Variants in MED14 observed in about 807,000 individuals in gnomAD.
MED14 encodes the protein mediator complex subunit 14.
MED14 carries 8 observed loss-of-function variants against 109.0 expected under a neutral mutation model. That is an observed-to-expected ratio of 0.07 (90% CI 0.04 to 0.13). The LOEUF (loss-of-function observed/expected upper bound fraction) is 0.13. Ranked by LOEUF, MED14 falls within the 10% of genes least tolerant of loss-of-function variation. The pLI is 1.00. For synonymous variants in MED14, 399 were observed against 408.7 expected (o/e 0.98, Z 0.29); for missense variants, 711 against 1,142.4 (o/e 0.62, Z 5.44).
intron 15 of MED14, among the ~76,000 whole-genome samples, chrX:40,690,949 T>C (rs1408266274): frequency 8.9e-6 from 1 of 112,439 alleles, no homozygotes; most frequent in Admixed American, 9.4e-5. Context: ...GCCATCATCA[T>C]CAGCCCAACT....
intron 21 of MED14, among the ~76,000 whole-genome samples, chrX:40,679,026 A>G (rs1282407707): frequency 9.0e-6 from 1 of 111,340 alleles, no homozygotes; most frequent in Non-Finnish European, 1.9e-5. Context: ...GCAGGAGACT[A>G]TTTTTCAAAT....
chrX:40,683,666 A>G (rs1459436448), intron 16 of MED14, among the ~76,000 whole-genome samples: 1 of 111,844 alleles, frequency 8.9e-6, no homozygotes, highest in African/African-American at 3.3e-5. Flanking sequence ...GCCTGGCCCC[A>G]TGTATGTTAA....
rs1329703963 is a variant in MED14, at chrX:40,709,372, T to C, written c.1261A>G (p.Arg421Gly). ...CAGTTTTCATTGGCATTGAAGCCTC[T>C]AAGAATGGCCTTCAGTTCTTGGAGC... ...QKLQELKAIL[R>G]GFNANENSSI... The change falls in exon 10 of 31, where the codon AGA becomes GGA. Residue 421 changes from arginine (R) to glycine (G), a missense_variant. Around this residue, in one of 8 missense-constraint regions of MED14, gnomAD observed 388 missense variants for 517.3 expected, o/e 0.75. Transcript: ENST00000324817. The C allele has an allele frequency of 8.9e-7, 1 of 1,118,588 alleles. No homozygotes were observed. Among genetic ancestry groups the C allele is most frequent in the East Asian group, 3.2e-5 (1 of 31,712 alleles). 92.2% of individuals were successfully genotyped at this position (1,118,588 alleles called of 1,213,427 possible). A position where few individuals can be genotyped will look rare whatever the true frequency, so the allele number is the denominator to read the frequency against.
intron 21 of MED14, among the ~76,000 whole-genome samples, chrX:40,677,066 C>A (rs1021148171): frequency 1.8e-4 from 20 of 111,874 alleles, no homozygotes; most frequent in Admixed American, 1.3e-3. Context: ...TCTCACTGAG[C>A]TCGGTTATCT....
intron 1 of MED14, among the ~76,000 whole-genome samples, chrX:40,732,801 G>A (rs1282049647): frequency 1.8e-5 from 2 of 110,863 alleles, no homozygotes; most frequent in Non-Finnish European, 3.8e-5. Context: ...AGAAACATCA[G>A]GAAGGGTAAT....
intron 16 of MED14, among the ~76,000 whole-genome samples, chrX:40,686,281 G>C (rs759562582): frequency 9.0e-6 from 1 of 111,610 alleles, no homozygotes; most frequent in South Asian, 3.7e-4. Context: ...GAAGAAAGGA[G>C]ACTGAAATTT....
Position 40,650,961 on chromosome X carries a change from G to A in MED14, c.*845C>T. On this transcript the variant is annotated 3_prime_UTR_variant, in exon 31 of 31. Coordinates refer to ENST00000324817, the MANE Select transcript of MED14 (RefSeq NM_004229.4). ...AAGTTCCCACATCCTCAACAGATGA[G>A]AATGATTGCATTATTTGGGATCCTT... 2.7e-6 allele frequency: 2 copies of A among 752,985 alleles called. No individual in the cohort carries two copies. The highest frequency in any genetic ancestry group is 6.7e-5 in the South Asian group (1 of 14,845). 62.1% of individuals were successfully genotyped at this position (752,985 alleles called of 1,213,427 possible).
chrX:40,678,759 T>G (rs1396790053), intron 21 of MED14, among the ~76,000 whole-genome samples: 1 of 108,793 alleles, frequency 9.2e-6, no homozygotes, highest in Non-Finnish European at 1.9e-5. Flanking sequence ...TGAGCCATGA[T>G]CATGCCACTG....
At chrX:40,726,512 A>C in intron 3 of MED14, 1 of 274,476 alleles carries the variant, frequency 3.6e-6, no homozygotes, top group Non-Finnish European at 6.5e-6. Context: ...TTCCAGTCTC[A>C]TATTTAAAGT....
chrX:40,721,469 C>T lies in MED14; in HGVS notation c.348+5277G>A, dbSNP rs1288310856. Among the ~76,000 whole-genome samples the T allele has an allele frequency of 2.7e-5, 3 of 112,596 alleles. No individual in the cohort carries two copies. In the East Asian group the frequency reaches 8.4e-4, roughly 31 times the overall value. On this transcript the variant is annotated intron_variant, in intron 3 of 30. Coordinates refer to ENST00000324817, the MANE Select transcript of MED14 (RefSeq NM_004229.4). ...ATTGTGGTTTGAGTGCCAGCTTAGC[C>T]GCAGTAAGAAAAGAATATCAGGCAA...
Position 40,712,196 on chromosome X carries a change from G to A in MED14, c.879C>T (p.Tyr293=), listed in dbSNP as rs1222446143. 8.4e-7 allele frequency: 1 copy of A among 1,189,930 alleles called. No individual in the cohort carries two copies. The highest frequency in any genetic ancestry group is 1.1e-6 in the Non-Finnish European group (1 of 880,818). The change falls in exon 7 of 31, where the codon TAC becomes TAT. Residue 293 remains tyrosine, a synonymous_variant. Transcript: ENST00000324817. ...ATTTCAGAAGGATACGTAGGCAGTT[G>A]TACATATCCTGAAGAGGTTTCTCAT... ...FADEKPLQDM[Y]NCLHSFCLSL... is the part of the protein sequence containing the mutation.
Position 40,649,688 on chromosome X carries a change from G to A in MED14, c.*2118C>T. The A allele has an allele frequency of 1.1e-6, 1 of 904,820 alleles. No individual in the cohort carries two copies. The highest frequency in any genetic ancestry group is 1.4e-6 in the Non-Finnish European group (1 of 723,712). 74.6% of individuals were successfully genotyped at this position (904,820 alleles called of 1,213,427 possible). A position where few individuals can be genotyped will look rare whatever the true frequency, so the allele number is the denominator to read the frequency against. Reference sequence around the variant, plus strand: ...TTGATCGAACCTGGGTAACAAAAGAGGCAAAAGACATGATTTGTGATGAAA... The same window carrying A: ...TTGATCGAACCTGGGTAACAAAAGAAGCAAAAGACATGATTTGTGATGAAA... On this transcript the variant is annotated 3_prime_UTR_variant, in exon 31 of 31. Transcript: ENST00000324817.
Position 40,714,518 on chromosome X carries a change from G to A in MED14, c.522+19C>T. 2.5e-6 allele frequency: 3 copies of A among 1,204,697 alleles called. No homozygotes were observed. Among genetic ancestry groups the A allele is most frequent in the Non-Finnish European group, 3.4e-6 (3 of 891,277 alleles). On this transcript the variant is annotated intron_variant, in intron 4 of 30. Transcript: ENST00000324817. ...AAACCTTTAGTTTTTAGGAACATGG[G>A]GGCAAGCAAAGAACTTACCCTAATG...
rs182129937 is a variant in MED14, at chrX:40,728,726, G to T, written c.242+593C>A. 1.6e-4 allele frequency among the ~76,000 whole-genome samples: 18 copies of T among 111,846 alleles called. No homozygotes were observed. The East Asian group carries it at 5.0e-3, about 31-fold the overall frequency. On this transcript the variant is annotated intron_variant, in intron 2 of 30. Coordinates refer to ENST00000324817, the MANE Select transcript of MED14 (RefSeq NM_004229.4). Reference sequence around the variant, plus strand: ...CTCCAAGCTCCAACTGAACCAAAATGTTAACTATGTAACAGTAGGAGCAGT... The same window carrying T: ...CTCCAAGCTCCAACTGAACCAAAATTTTAACTATGTAACAGTAGGAGCAGT...
intron 10 of MED14, among the ~76,000 whole-genome samples, chrX:40,707,459 C>T (rs1365309015): frequency 7.2e-5 from 8 of 111,570 alleles, no homozygotes; most frequent in Middle Eastern, 4.2e-3. Flanking sequence ...TGAAAACTTA[C>T]GTCCACATAA....
intron 8 of MED14, among the ~76,000 whole-genome samples, chrX:40,710,517 CA>C (rs779481538): frequency 4.5e-5 from 5 of 111,343 alleles, no homozygotes; most frequent in Non-Finnish European, 9.4e-5. Context: ...TTGAGAGTTA[CA>C]AACAGTCCAA....
intron 7 of MED14, 96 bp from the exon 8 acceptor site, chrX:40,711,397 T>C (rs752608212): frequency 1.5e-6 from 1 of 686,934 alleles, no homozygotes; most frequent in Non-Finnish European, 2.1e-6. Flanking sequence ...ATTGAAAACC[T>C]GGAGAAAAAT....
chrX:40,705,117 C>A lies in MED14; in HGVS notation c.1286-1548G>T, dbSNP rs56846857. 2.4e-3 allele frequency among the ~76,000 whole-genome samples: 268 copies of A among 112,056 alleles called. 2 individuals are homozygous for A. Among genetic ancestry groups the A allele is most frequent in the African/African-American group, 7.7e-3 (238 of 30,868 alleles). On this transcript the variant is annotated intron_variant, in intron 10 of 30. Coordinates refer to ENST00000324817, the MANE Select transcript of MED14 (RefSeq NM_004229.4). ...ACAAAAAGGGCAAAAACAAAAATTT[C>A]TTTTACCATATAATTCAGACCAATG...
chrX:40,714,432 C>T (rs1200821819), intron 4 of MED14, 105 bp downstream of exon 4: 5 of 879,215 alleles, frequency 5.7e-6, no homozygotes, highest in Non-Finnish European at 7.8e-6. Context: ...ACTATATGTA[C>T]TGTTTGTTTT....
Sources: gnomAD v4.1 joint callset for allele counts (sites outside exome capture counted in the v4.1 genomes callset) on GRCh38, gnomAD v4.1.1 for gene constraint, gnomAD v4.1.1 regional missense constraint, MANE v1.5 for transcripts, NCBI Gene and HGNC (gene_info 2026-07-23, HGNC 2026-07-21) for gene names.